Variants in MYO5B observed in about 807,000 individuals in gnomAD.
MYO5B encodes unconventional myosin-Vb.
In MYO5B, 143 loss-of-function variants were observed where a neutral mutation model predicts 229.3. The ratio of observed to expected loss-of-function variants is 0.62; its 90% CI spans 0.54 to 0.72. The LOEUF is 0.72. MYO5B is among the 30% of genes least tolerant of loss of function. MYO5B has a pLI of 0.00. For missense variants in MYO5B, 2,321 were observed against 2,331.0 expected (o/e 1.00, Z 0.09); for synonymous variants, 918 against 885.2 (o/e 1.04, Z -0.66).
At chr18:50,039,231 G>A (rs575121114) in intron 3 of MYO5B, among the ~76,000 whole-genome samples, 10 of 152,292 alleles carry the variant, frequency 6.6e-5, no homozygotes, top group Admixed American at 1.3e-4. Flanking sequence ...ACGGTTTATA[G>A]GGTTCTATTT....
chr18:50,059,152 C>T (rs965472660), intron 1 of MYO5B, among the ~76,000 whole-genome samples: 1 of 152,348 alleles, frequency 6.6e-6, no homozygotes, highest in Admixed American at 6.5e-5. Flanking sequence ...GGATCTAGCA[C>T]ATCCTGGCAC....
rs527725940 is a variant in MYO5B at position 49,868,890 on chromosome 18, C to T, written c.3603+3277G>A. On this transcript the variant is annotated intron_variant, in intron 27 of 39. Coordinates refer to ENST00000285039, the MANE Select transcript of MYO5B (RefSeq NM_001080467.3). ...GGGTACGTAGTCAATGTGCTTCTGC[C>T]GAGAGCTGCAGTTAATTTTTGCATT... 2.2e-4 allele frequency among the ~76,000 whole-genome samples: 33 copies of T among 152,294 alleles called. No individual in the cohort carries two copies. The Middle Eastern group carries it at 0.01, about 47-fold the overall frequency.
At chr18:49,879,549 T>C (rs1200707882) in intron 23 of MYO5B, 3 of 215,078 alleles carry the variant, frequency 1.4e-5, no homozygotes, top group Non-Finnish European at 2.8e-5. Context: ...TGCCAAAACT[T>C]ATTCACATTA....
At chr18:50,158,612 C>A (rs1255961213) in intron 1 of MYO5B, among the ~76,000 whole-genome samples, 1 of 152,202 alleles carries the variant, frequency 6.6e-6, no homozygotes, top group African/African-American at 2.4e-5. Context: ...CCTGAGAACA[C>A]CCTTCAAAAT....
intron 4 of MYO5B, among the ~76,000 whole-genome samples, chr18:50,025,118 C>G (rs1362185378): frequency 6.6e-6 from 1 of 152,168 alleles, no homozygotes; most frequent in African/African-American, 2.4e-5. Flanking sequence ...GTTCACTGCT[C>G]TATAGATAAC....
At chr18:49,915,645 T>C (rs1267843115) in intron 17 of MYO5B, among the ~76,000 whole-genome samples, 1 of 152,252 alleles carries the variant, frequency 6.6e-6, no homozygotes, top group Non-Finnish European at 1.5e-5. Flanking sequence ...GACAGGAGGC[T>C]TTAACAATGG....
chr18:49,828,860 G>T (rs909968642), intron 39 of MYO5B, among the ~76,000 whole-genome samples: 24 of 151,874 alleles, frequency 1.6e-4, no homozygotes, highest in African/African-American at 5.8e-4. Flanking sequence ...CAAAGCTTAT[G>T]GGATGGGATA....
chr18:50,047,062 TG>T, intron 2 of MYO5B, among the ~76,000 whole-genome samples: 1 of 152,182 alleles, frequency 6.6e-6, no homozygotes, highest in East Asian at 1.9e-4. Context: ...CCAAAAGCAA[TG>T]GCAACAAAAG....
At position 49,904,769 on chromosome 18, in the gene MYO5B, A is replaced by G. The variant is rs1334284235; in HGVS notation, c.2474T>C (p.Met825Thr). The change falls in exon 20 of 40, where the codon ATG becomes ACG. Residue 825 changes from methionine (M) to threonine (T), a missense_variant. Around this residue, in one of 2 missense-constraint regions of MYO5B, gnomAD observed 2,113 missense variants for 2,044.7 expected, o/e 1.03. Transcript: ENST00000285039. ...CTGGTAGGCCTGGCGGGCCCTCTGCATGCGGTAATGTTTCTGGAGCACCAC... is the reference window on the plus strand; with the variant it reads ...CTGGTAGGCCTGGCGGGCCCTCTGCGTGCGGTAATGTTTCTGGAGCACCAC... ...AAVVLQKHYR[M>T]QRARQAYQRV... is the part of the protein sequence containing the mutation. 1 of 1,613,990 alleles carries G rather than the reference A, an allele frequency of 6.2e-7. No individual in the cohort carries two copies. Among genetic ancestry groups the G allele is most frequent in the Non-Finnish European group, 8.5e-7 (1 of 1,180,018 alleles).
rs577687263 is a variant in MYO5B at position 49,841,370 on chromosome 18, C to T, written c.4696G>A (p.Asp1566Asn). Reference sequence around the variant, plus strand: ...GTGCCTGGCTCCCCACTCACCTCATCCCCGCTGTACTGCTTCAGACAGTGA... The same window carrying T: ...GTGCCTGGCTCCCCACTCACCTCATTCCCGCTGTACTGCTTCAGACAGTGA... ...LLHCLKQYSG[D>N]EGFMTQNTAK... The change falls in exon 35 of 40, where the codon GAT (aspartate) becomes AAT (asparagine). Residue 1566 changes from aspartate to asparagine, a missense_variant. Physicochemically the swap from Asp to Asn is conservative, Grantham distance 23. Transcript: ENST00000285039. The T allele has an allele frequency of 3.1e-6, 5 of 1,614,150 alleles. No homozygotes were observed. The highest frequency in any genetic ancestry group is 2.2e-5 in the South Asian group (2 of 91,072).
chr18:50,073,925 T>TTCACCCTGCCAACCC (rs2031018635), intron 1 of MYO5B, among the ~76,000 whole-genome samples: 1 of 152,156 alleles, frequency 6.6e-6, no homozygotes, highest in African/African-American at 2.4e-5. Context: ...TTGTGTCTGA[T>TTCACCCTGCCAACCC]CCTTCTCCAT....
chr18:50,091,824 A>C (rs1018648968), intron 1 of MYO5B, among the ~76,000 whole-genome samples: 5 of 152,202 alleles, frequency 3.3e-5, no homozygotes, highest in Non-Finnish European at 7.3e-5. Context: ...AATTTCCCAA[A>C]GTTTTCAATG....
rs377476169 is a variant in MYO5B at position 50,040,185 on chromosome 18, T to C, written c.268A>G (p.Lys90Glu). Reference sequence around the variant, plus strand: ...TGGTTGGACTCCAGGAAACGGACCTTCAAATTATGCAAAACTGCAGGCTCA... The same window carrying C: ...TGGTTGGACTCCAGGAAACGGACCTCCAAATTATGCAAAACTGCAGGCTCA... ...LHEPAVLHNL[K>E]VRFLESNHIY... Residue 90 changes from lysine (K) to glutamate (E), a missense_variant, in exon 3 of 40, where the codon AAG becomes GAG. Lys to Glu is a moderately conservative substitution (Grantham distance 56, BLOSUM62 1). Transcript: ENST00000285039. The C allele has an allele frequency of 6.2e-7, 1 of 1,612,930 alleles. No individual in the cohort carries two copies. The highest frequency in any genetic ancestry group is 8.5e-7 in the Non-Finnish European group (1 of 1,179,586).
At position 50,055,268 on chromosome 18, in the gene MYO5B, C is replaced by A. The variant is rs201403876; in HGVS notation, c.138G>T (p.Thr46=). ...KSLQLRLEDE[T]ILEYPIDVQR... Reference sequence around the variant, plus strand: ...CCCCCTGCCCCGGACTCACTCTTACCGTTTCATCCTCCAGTCTGAGCTGTA... The same window carrying A: ...CCCCCTGCCCCGGACTCACTCTTACAGTTTCATCCTCCAGTCTGAGCTGTA... The change falls in exon 2 of 40, where the codon ACG becomes ACT. Residue 46 remains threonine (T), a splice_region_variant and synonymous_variant. Transcript: ENST00000285039. The A allele has an allele frequency of 1.5e-5, 21 of 1,400,832 alleles. No homozygotes were observed. Among genetic ancestry groups the A allele is most frequent in the Middle Eastern group, 2.0e-4 (1 of 5,112 alleles). The allele number at this position is 1,400,832 out of a possible 1,614,324, so 86.8% of individuals were successfully genotyped here.
At chr18:50,117,695 G>A (rs1011843713) in intron 1 of MYO5B, among the ~76,000 whole-genome samples, 1 of 152,104 alleles carries the variant, frequency 6.6e-6, no homozygotes, top group Non-Finnish European at 1.5e-5. Flanking sequence ...AGCACAGCAG[G>A]AGAGAAAGAA....
chr18:50,060,228 AGTATCTT>A (rs1295944573), intron 1 of MYO5B, among the ~76,000 whole-genome samples: 4 of 152,216 alleles, frequency 2.6e-5, no homozygotes, highest in African/African-American at 9.6e-5. Context: ...GATTGCAAAC[AGTATCTT>A]GTACATGCTC....
chr18:49,988,722 AGAG>A (rs1367009084), intron 7 of MYO5B, among the ~76,000 whole-genome samples: 1 of 152,162 alleles, frequency 6.6e-6, no homozygotes, highest in Non-Finnish European at 1.5e-5. Flanking sequence ...TGGGAAGGAA[AGAG>A]GAGGATGGCA....
rs374946272 is a variant in MYO5B at position 50,083,311 on chromosome 18, C to T, written c.28-27933G>A. Among the ~76,000 whole-genome samples, 49 of 152,282 alleles carry T rather than the reference C, an allele frequency of 3.2e-4. No individual in the cohort carries two copies. In the South Asian group the frequency reaches 9.1e-3, roughly 28 times the overall value. On this transcript the variant is annotated intron_variant, in intron 1 of 39. Transcript: ENST00000285039. ...TTAAAGTTTCATGACATGGGCATGA[C>T]AGATTAGCCATTGATGATTGACTCA...
At chr18:49,856,256 T>C (rs975013688) in intron 30 of MYO5B, among the ~76,000 whole-genome samples, 1 of 152,180 alleles carries the variant, frequency 6.6e-6, no homozygotes, top group African/African-American at 2.4e-5. Context: ...GAAGGTGCTG[T>C]GAGGCCAGAT....
Sources: gnomAD v4.1 joint callset for allele counts (sites outside exome capture counted in the v4.1 genomes callset) on GRCh38, gnomAD v4.1.1 for gene constraint, gnomAD v4.1.1 regional missense constraint, MANE v1.5 for transcripts, NCBI Gene and HGNC (gene_info 2026-07-23, HGNC 2026-07-21) for gene names.